The following FDFT1 variants were observed in gnomAD, a reference collection of about 807,000 sequenced individuals.
The protein encoded by FDFT1 is farnesyl-diphosphate farnesyltransferase 1, also known as squalene synthase.
In FDFT1, 68 loss-of-function variants were observed where a neutral mutation model predicts 46.8. The observed-to-expected ratio is 1.45, with a 90% CI of 1.19 to 1.78. The LOEUF (loss-of-function observed/expected upper bound fraction) is 1.78, where lower values mean the gene tolerates loss of function less well. Among genes scored for constraint, FDFT1 ranks in the 40% most tolerant of loss-of-function variants. The probability of loss-of-function intolerance (pLI) is 0.00; values close to 1 mark genes in which losing one functional copy is unlikely to be tolerated. For synonymous variants in FDFT1, 351 were observed against 185.1 expected, an observed-to-expected ratio of 1.90 and a Z score of -7.28; for missense variants, 928 against 524.4, an observed-to-expected ratio of 1.77 and a Z score of -7.52.
chr8:11,803,029 C>A, intron 1 of FDFT1, 98 bp downstream of exon 1: 1 of 1,500,456 alleles, frequency 6.7e-7, no homozygotes, highest in Non-Finnish European at 8.9e-7. Context: ...GCAAGGGGCG[C>A]GGCGAGCAGG....
At position 11,803,285 on chromosome 8, in the gene FDFT1, C is replaced by T. The variant is rs563320187; in HGVS notation, c.99+354C>T. On this transcript the variant is annotated intron_variant, in intron 1 of 7. Coordinates refer to ENST00000220584, the MANE Select transcript of FDFT1 (RefSeq NM_004462.5). The stretch of plus-strand genomic sequence containing the variant: ...TGTGGGTGGGTTACGCGGGAGAGGA[C>T]GAGTGAGTTTTTTGGTAAGCGGAAT... The T allele has an allele frequency of 3.4e-4, 448 of 1,321,914 alleles. 6 individuals are homozygous for T. The South Asian group carries it at 5.1e-3, about 15-fold the overall frequency. 81.9% of individuals were successfully genotyped at this position (1,321,914 alleles called of 1,614,324 possible).
rs1201940127 is a variant in FDFT1, at chr8:11,802,941, G to A, written c.99+10G>A. 3.8e-6 allele frequency: 6 copies of A among 1,595,596 alleles called. No individual in the cohort carries two copies. Among genetic ancestry groups the A allele is most frequent in the East Asian group, 2.3e-5 (1 of 44,230 alleles). On this transcript the variant is annotated intron_variant, in intron 1 of 7. Coordinates refer to ENST00000220584, the MANE Select transcript of FDFT1 (RefSeq NM_004462.5). The stretch of plus-strand genomic sequence containing the variant: ...GCCCAAGATGGACCAGGTGGGCCGA[G>A]CCTCCCTGCTTGCCCGGGGCGGGGA...
At chr8:11,809,236 T>G in intron 2 of FDFT1, 2 of 1,156,550 alleles carry the variant, frequency 1.7e-6, no homozygotes. Context: ...TTGGGTTGAT[T>G]CTTTTGAAGC....
chr8:11,813,448 G>C (rs1001786642), intron 3 of FDFT1, among the ~76,000 whole-genome samples: 2 of 152,128 alleles, frequency 1.3e-5, no homozygotes, highest in African/African-American at 2.4e-5. Flanking sequence ...AAATTACCTA[G>C]TACATAATGT....
At chr8:11,835,780 C>A (rs1477047095) in intron 7 of FDFT1, among the ~76,000 whole-genome samples, 2 of 152,014 alleles carry the variant, frequency 1.3e-5, no homozygotes, top group Non-Finnish European at 2.9e-5. Context: ...CTGATGTTAT[C>A]ATCCTTTATT....
chr8:11,803,169 G>C (rs1806358458), intron 1 of FDFT1: 2 of 1,415,538 alleles, frequency 1.4e-6, no homozygotes, highest in African/African-American at 1.4e-5. Context: ...ACTTTTGCGT[G>C]GTTCCCGGTG....
intron 3 of FDFT1, among the ~76,000 whole-genome samples, chr8:11,810,416 C>T (rs1378263811): frequency 4.6e-5 from 7 of 152,150 alleles, no homozygotes; most frequent in East Asian, 1.9e-4. Flanking sequence ...GCAGCTAGGG[C>T]GAGCCTCTGC....
At chr8:11,797,669 C>G (rs376438557), upstream of FDFT1, among the ~76,000 whole-genome samples, 1 of 108,230 alleles carries the variant, frequency 9.2e-6, no homozygotes, top group Admixed American at 9.3e-5. Flanking sequence ...AAGAAACAAA[C>G]AAAAAAAACG....
At chr8:11,801,267 G>A (rs1241295156), upstream of FDFT1, among the ~76,000 whole-genome samples, 2 of 152,190 alleles carry the variant, frequency 1.3e-5, no homozygotes, top group Non-Finnish European at 2.9e-5. Context: ...TAGGTGCTTT[G>A]GCTTTTGTTG....
chr8:11,812,070 C>G (rs537236546), intron 3 of FDFT1, among the ~76,000 whole-genome samples: 1 of 152,312 alleles, frequency 6.6e-6, no homozygotes, highest in African/African-American at 2.4e-5. Flanking sequence ...CTTGGCCTCA[C>G]ACACAGTACT....
At chr8:11,814,938 A>G (rs1024244426) in intron 3 of FDFT1, among the ~76,000 whole-genome samples, 16 of 152,040 alleles carry the variant, frequency 1.1e-4, no homozygotes, top group African/African-American at 3.1e-4. Flanking sequence ...TTACATAGGT[A>G]TACATGTGCC....
intron 1 of FDFT1, among the ~76,000 whole-genome samples, chr8:11,804,654 A>G (rs111963692): frequency 1.7e-5 from 2 of 114,696 alleles, no homozygotes; most frequent in African/African-American, 6.9e-5. Context: ...CCCAGGCTGG[A>G]GTGCAGTGGT....
intron 3 of FDFT1, among the ~76,000 whole-genome samples, chr8:11,818,122 A>C (rs1047179328): frequency 6.6e-6 from 1 of 152,198 alleles, no homozygotes; most frequent in African/African-American, 2.4e-5. Flanking sequence ...TTATGTACCC[A>C]GTAGTCATTC....
chr8:11,828,473 A>C (rs1162935666), intron 5 of FDFT1, among the ~76,000 whole-genome samples: 1 of 152,200 alleles, frequency 6.6e-6, no homozygotes, highest in Non-Finnish European at 1.5e-5. Flanking sequence ...ATAGTGAGGC[A>C]GTGGCTGCCT....
At chr8:11,821,239 C>G (rs1028813664) in intron 3 of FDFT1, among the ~76,000 whole-genome samples, 66 of 152,196 alleles carry the variant, frequency 4.3e-4, no homozygotes, top group African/African-American at 1.5e-3. Flanking sequence ...TCTTTTGAAT[C>G]TAGAAACATT....
chr8:11,803,107 G>A, intron 1 of FDFT1, 176 bp downstream of exon 1: 1 of 1,428,808 alleles, frequency 7.0e-7, no homozygotes. Context: ...GGTGGACGCG[G>A]CCGTCCTGGC....
intron 1 of FDFT1, chr8:11,808,248 C>T (rs180739870): frequency 3.3e-6 from 4 of 1,203,188 alleles, no homozygotes; most frequent in South Asian, 8.6e-5. Context: ...TCTAGGGAGA[C>T]TCTGTCACTG....
intron 1 of FDFT1, among the ~76,000 whole-genome samples, chr8:11,805,817 C>CT (rs1228069681): frequency 6.6e-6 from 1 of 152,134 alleles, no homozygotes; most frequent in Non-Finnish European, 1.5e-5. Context: ...TGCCTATTTT[C>CT]TAAAACACTA....
intron 3 of FDFT1, among the ~76,000 whole-genome samples, chr8:11,810,767 C>T (rs549359978): frequency 2.6e-5 from 4 of 151,948 alleles, no homozygotes; most frequent in East Asian, 1.9e-4. Flanking sequence ...TGTAATAGCT[C>T]GAAGAAGCCC....
Sources: allele counts gnomAD v4.1 joint callset (sites outside exome capture counted in the v4.1 genomes callset), GRCh38; gene constraint gnomAD v4.1.1; transcripts MANE v1.5; gene names NCBI Gene and HGNC (gene_info 2026-07-23, HGNC 2026-07-21).